Variants in ADAMTS17 observed in about 807,000 individuals in gnomAD.
ADAMTS17 encodes ADAM metallopeptidase with thrombospondin type 1 motif 17.
ADAMTS17 carries 113 observed loss-of-function variants against 141.5 expected under a neutral mutation model. The observed-to-expected ratio is 0.80, with a 90% confidence interval of 0.69 to 0.93. The LOEUF (loss-of-function observed/expected upper bound fraction) is 0.93, where lower values mean the gene tolerates loss of function less well. ADAMTS17 is among the 40% of genes least tolerant of loss of function. ADAMTS17 has a pLI of 0.00. For synonymous variants in ADAMTS17, 768 were observed against 630.6 expected (o/e 1.22, Z -3.27); for missense variants, 1,659 against 1,517.9 (o/e 1.09, Z -1.54).
intron 3 of ADAMTS17, among the ~76,000 whole-genome samples, chr15:100,312,377 A>C (rs2045433895): frequency 6.6e-6 from 1 of 152,186 alleles, no homozygotes; most frequent in Admixed American, 6.5e-5. Context: ...GAGCTGGAAA[A>C]AATGAGGAAA....
At position 100,274,154 on chromosome 15, in the gene ADAMTS17, T is replaced by C. The variant is rs147910356; in HGVS notation, c.789+7075A>G. 1.1e-4 allele frequency among the ~76,000 whole-genome samples: 16 copies of C among 152,306 alleles called. No homozygotes were observed. In the East Asian group the frequency reaches 1.9e-3, roughly 18 times the overall value. On this transcript the variant is annotated intron_variant, in intron 4 of 21. Transcript: ENST00000268070. ...CCCTTGAGGAAAAAAAAGTCTTCCA[T>C]TGTTGTTGGGTAGAGTGTTCTGTGT... is the stretch of plus-strand genomic sequence containing the variant.
At chr15:100,036,564 C>T (rs181776559) in intron 18 of ADAMTS17, among the ~76,000 whole-genome samples, 98 of 152,348 alleles carry the variant, frequency 6.4e-4, no homozygotes, top group African/African-American at 1.9e-3. Context: ...AGCCTGCAAC[C>T]GTAAGTGCGC....
chr15:100,176,736 C>T (rs184941603), intron 8 of ADAMTS17, among the ~76,000 whole-genome samples: 18 of 152,286 alleles, frequency 1.2e-4, no homozygotes, highest in Admixed American at 1.0e-3. Context: ...ACTGTATCAT[C>T]ACCACAAGAC....
At chr15:100,102,445 CG>C in intron 14 of ADAMTS17, among the ~76,000 whole-genome samples, 2 of 65,218 alleles carry the variant, frequency 3.1e-5, no homozygotes, top group African/African-American at 2.1e-4. Context: ...ATTTGAGGGC[CG>C]ACCAAAGGGG....
chr15:100,246,745 G>C (rs186591459), intron 7 of ADAMTS17, among the ~76,000 whole-genome samples: 2 of 152,170 alleles, frequency 1.3e-5, no homozygotes, highest in East Asian at 3.9e-4. Context: ...CCATTCCATA[G>C]CCATATTTCA....
chr15:100,096,320 A>G, intron 15 of ADAMTS17, 36 bp downstream of exon 15: 1 of 1,611,080 alleles, frequency 6.2e-7, no homozygotes, highest in East Asian at 2.2e-5. Flanking sequence ...GACACAAAAC[A>G]CTGTAGCCAC....
chr15:100,006,543 G>A (rs192093048), intron 18 of ADAMTS17, among the ~76,000 whole-genome samples: 171 of 152,328 alleles, frequency 1.1e-3, no homozygotes, highest in Non-Finnish European at 1.8e-3. Context: ...GGTAGCCAAA[G>A]AGAGAGCCCT....
In ADAMTS17 at chr15:100,018,508, C is replaced by G. The variant is rs59889689; in HGVS notation, c.2592-20919G>C. On this transcript the variant is annotated intron_variant, in intron 18 of 21. Coordinates refer to ENST00000268070, the MANE Select transcript of ADAMTS17 (RefSeq NM_139057.4). ...GATACTGAGTAAGTTCTCAGGAGAT[C>G]TGGTTGCTTAGAAGTGTGAACCACC... Among the ~76,000 whole-genome samples, 1,431 of 152,220 alleles carry G rather than the reference C, an allele frequency of 9.4e-3. 18 individuals are homozygous for G. The highest frequency in any genetic ancestry group is 0.033 in the African/African-American group (1,361 of 41,504).
intron 12 of ADAMTS17, among the ~76,000 whole-genome samples, chr15:100,121,757 C>T (rs762623710): frequency 6.6e-6 from 1 of 151,904 alleles, no homozygotes; most frequent in African/African-American, 2.4e-5. Flanking sequence ...GAGGAACAGG[C>T]TTTTCTCCCT....
At chr15:100,066,797 C>G (rs1389619554) in intron 15 of ADAMTS17, among the ~76,000 whole-genome samples, 2 of 142,598 alleles carry the variant, frequency 1.4e-5, no homozygotes, top group Admixed American at 7.2e-5. Context: ...CGCTGTCTTC[C>G]CTTATGATAT....
intron 10 of ADAMTS17, among the ~76,000 whole-genome samples, chr15:100,139,779 G>A (rs752421464): frequency 3.3e-5 from 5 of 152,238 alleles, no homozygotes; most frequent in Non-Finnish European, 2.9e-5. Flanking sequence ...CTTCAAAAGC[G>A]TCAAGGTCAT....
chr15:100,231,832 C>G (rs149865798), intron 7 of ADAMTS17, among the ~76,000 whole-genome samples: 1 of 152,274 alleles, frequency 6.6e-6, no homozygotes, highest in Non-Finnish European at 1.5e-5. Context: ...TGTATTAGGT[C>G]ATCTTACCGT....
At chr15:100,178,440 TC>T (rs1445861460) in intron 8 of ADAMTS17, among the ~76,000 whole-genome samples, 1 of 152,152 alleles carries the variant, frequency 6.6e-6, no homozygotes, top group Non-Finnish European at 1.5e-5. Flanking sequence ...CCTCATACCC[TC>T]CCCATAATGC....
At chr15:100,088,383 GAATC>G (rs568885564) in intron 15 of ADAMTS17, among the ~76,000 whole-genome samples, 76 of 152,300 alleles carry the variant, frequency 5.0e-4, no homozygotes, top group South Asian at 2.1e-3. Flanking sequence ...TGGGTAGGAA[GAATC>G]AATATTGTGA....
At chr15:100,189,551 C>T (rs2040843333) in intron 8 of ADAMTS17, among the ~76,000 whole-genome samples, 1 of 152,210 alleles carries the variant, frequency 6.6e-6, no homozygotes, top group African/African-American at 2.4e-5. Context: ...GTGTCATTTA[C>T]CAAAGCAGCA....
intron 18 of ADAMTS17, 113 bp downstream of exon 18, chr15:100,048,744 C>A: frequency 6.7e-7 from 1 of 1,498,556 alleles, no homozygotes; most frequent in Non-Finnish European, 9.2e-7. Flanking sequence ...TCAACAATAA[C>A]GGAACACAGC....
At chr15:100,208,984 T>A (rs1269329227) in intron 7 of ADAMTS17, among the ~76,000 whole-genome samples, 6 of 152,084 alleles carry the variant, frequency 3.9e-5, no homozygotes, top group Non-Finnish European at 8.8e-5. Context: ...TTCCAAGGGC[T>A]CTTCCAATGG....
intron 20 of ADAMTS17, among the ~76,000 whole-genome samples, chr15:99,984,215 G>A (rs560478435): frequency 6.6e-6 from 1 of 152,338 alleles, no homozygotes; most frequent in East Asian, 1.9e-4. Context: ...CCGATGGCCT[G>A]CAGGGGCCGG....
At position 100,109,078 on chromosome 15, in the gene ADAMTS17, C is replaced by G; in HGVS notation, c.1927G>C (p.Glu643Gln). 1 of 1,613,864 alleles carries G rather than the reference C, an allele frequency of 6.2e-7. No homozygotes were observed. The highest frequency in any genetic ancestry group is 2.2e-5 in the East Asian group (1 of 44,868). ...CELYCSPLGKESPLLVADRVL... is the reference protein window; with the variant it reads ...CELYCSPLGKQSPLLVADRVL... ...CTGTCGGCCACCAGCAGTGGGGACT[C>G]CTTCCCGAGGGGCGAGCAGTAGAGT... is the stretch of plus-strand genomic sequence containing the variant. Residue 643 changes from glutamate to glutamine, a missense_variant, in exon 14 of 22, where the codon GAG becomes CAG. Glu to Gln is a conservative substitution (Grantham distance 29, BLOSUM62 2). Transcript: ENST00000268070.
Sources: allele counts gnomAD v4.1 joint callset (sites outside exome capture counted in the v4.1 genomes callset), GRCh38; gene constraint gnomAD v4.1.1; transcripts MANE v1.5; gene names NCBI Gene and HGNC (gene_info 2026-07-23, HGNC 2026-07-21).